Variants in SYNJ2 observed in about 807,000 individuals in gnomAD.
SYNJ2 encodes synaptojanin 2, also known as polyphosphatidylinositol phosphatase SYNJ2.
In SYNJ2, 116 loss-of-function variants were observed where a neutral mutation model predicts 141.3. The ratio of observed to expected loss-of-function variants is 0.82; its 90% CI spans 0.71 to 0.96. The LOEUF (loss-of-function observed/expected upper bound fraction) is 0.96, where lower values mean the gene tolerates loss of function less well. Among genes scored for constraint, SYNJ2 ranks in the 40% least tolerant of loss-of-function variants. SYNJ2 has a pLI of 0.00. For missense variants in SYNJ2, 1,873 were observed against 1,934.8 expected (o/e 0.97, Z 0.60); for synonymous variants, 745 against 777.7 (o/e 0.96, Z 0.70).
chr6:158,086,977 C>A lies in SYNJ2; in HGVS notation c.3331C>A (p.Pro1111Thr), dbSNP rs1249728086. The change falls in exon 23 of 27, where the codon CCC becomes ACC. Residue 1111 changes from proline to threonine, a missense_variant. Physicochemically the swap from Pro to Thr is conservative, Grantham distance 38. Transcript: ENST00000355585. Reference protein sequence around the residue: ...RPRPPQPPQRPPPPTGLMVKK... With the variant: ...RPRPPQPPQRTPPPTGLMVKK... ...TCGGCCACCTCAACCCCCGCAGAGA[C>A]CCCCCCCTCCAAGTAAGACTCTGCT... The A allele has an allele frequency of 8.9e-6, 8 of 903,230 alleles. No individual in the cohort carries two copies. The African/African-American group carries it at 1.0e-4, about 12-fold the overall frequency. The allele number at this position is 903,230 out of a possible 1,614,324, so 56.0% of individuals were successfully genotyped here.
chr6:158,052,181 A>G (rs1157824046), intron 5 of SYNJ2, among the ~76,000 whole-genome samples: 1 of 152,224 alleles, frequency 6.6e-6, no homozygotes, highest in African/African-American at 2.4e-5. Context: ...CTACTTTTAC[A>G]ACACTCAAAC....
Position 158,071,665 on chromosome 6 carries a change from C to T in SYNJ2, c.2004C>T (p.Val668=), listed in dbSNP as rs202099243. Residue 668 remains valine (V), a synonymous_variant, in exon 15 of 27, where the codon GTC becomes GTT. Transcript: ENST00000355585. This position sits in a 1 kb window ranked among gnomAD's most constrained non-coding sequence, Gnocchi z 4.3. ...GCAAGGCGGGGAACAAGGGCGCCGTCGGCATCCGCTTCCAGTTCCACAGCA... is the reference window on the plus strand; with the variant it reads ...GCAAGGCGGGGAACAAGGGCGCCGTTGGCATCCGCTTCCAGTTCCACAGCA... The part of the protein sequence containing the change: ...MGGKAGNKGA[V]GIRFQFHSTS... 7.7e-5 allele frequency: 124 copies of T among 1,614,140 alleles called. 1 individual carries two copies. The East Asian group carries it at 1.4e-3, about 18-fold the overall frequency.
intron 1 of SYNJ2, among the ~76,000 whole-genome samples, chr6:157,995,503 G>A (rs541611563): frequency 7.4e-4 from 113 of 152,324 alleles, no homozygotes; most frequent in South Asian, 4.3e-3. Context: ...TTTTGAGTGC[G>A]GAGGATAGGA....
intron 4 of SYNJ2, among the ~76,000 whole-genome samples, chr6:158,039,355 G>T (rs1779813312): frequency 1.3e-5 from 2 of 152,266 alleles, no homozygotes; most frequent in African/African-American, 4.8e-5. Context: ...AGTCAGGAGA[G>T]TGGAGCAAGG....
intron 6 of SYNJ2, among the ~76,000 whole-genome samples, chr6:158,057,215 C>T (rs1049130811): frequency 2.6e-5 from 4 of 152,082 alleles, no homozygotes; most frequent in African/African-American, 9.7e-5. Context: ...TGACAGTAAC[C>T]CGTAGGCAGG....
At position 158,086,841 on chromosome 6, in the gene SYNJ2, G is replaced by A. The variant is rs762787660; in HGVS notation, c.3209-14G>A. On this transcript the variant is annotated splice_polypyrimidine_tract_variant and intron_variant, in intron 22 of 26. Coordinates refer to ENST00000355585, the MANE Select transcript of SYNJ2 (RefSeq NM_003898.4). Reference sequence around the variant, plus strand: ...GAACAGACCATTGTACTCATGCCCCGCCATGTCCTCCAGATGACGCGGACC... The same window carrying A: ...GAACAGACCATTGTACTCATGCCCCACCATGTCCTCCAGATGACGCGGACC... 3.7e-6 allele frequency: 6 copies of A among 1,610,964 alleles called. No homozygotes were observed. Among genetic ancestry groups the A allele is most frequent in the South Asian group, 3.3e-5 (3 of 91,048 alleles).
intron 25 of SYNJ2, among the ~76,000 whole-genome samples, 164 bp downstream of exon 25, chr6:158,090,111 G>A (rs1190982867): frequency 1.3e-5 from 2 of 152,134 alleles, no homozygotes; most frequent in African/African-American, 4.8e-5. Flanking sequence ...TACTAAGATT[G>A]ATTGTCCATT....
chr6:158,016,551 C>A (rs991796048), intron 1 of SYNJ2, among the ~76,000 whole-genome samples: 11 of 152,156 alleles, frequency 7.2e-5, no homozygotes, highest in Non-Finnish European at 1.5e-5. Context: ...TAAAGGCCTG[C>A]CCCGTCGTCA....
At chr6:157,985,986 A>T (rs1459639049) in intron 1 of SYNJ2, among the ~76,000 whole-genome samples, 3 of 152,188 alleles carry the variant, frequency 2.0e-5, no homozygotes, top group Non-Finnish European at 4.4e-5. Flanking sequence ...CTTTGTTTGA[A>T]TTGGTGAGAT....
Position 158,028,761 on chromosome 6 carries a change from ACG to A in SYNJ2, c.221_222del (p.Thr74IlefsTer21), listed in dbSNP as rs760518753. ...LGELRLKSGG[T>X]SLSFLVLVTG... is the part of the protein sequence containing the mutation. ...CTGTCTGATTTCCTTTCCAGGTGGC[ACG>A]TCTCTGAGCTTCCTGGTGTTGGTGA... is the stretch of plus-strand genomic sequence containing the variant. On this transcript the variant is annotated frameshift_variant, in exon 3 of 27. Coordinates refer to ENST00000355585, the MANE Select transcript of SYNJ2 (RefSeq NM_003898.4). LOFTEE classifies it high-confidence loss of function. The A allele has an allele frequency of 1.2e-5, 20 of 1,613,594 alleles. No individual in the cohort carries two copies. Among genetic ancestry groups the A allele is most frequent in the Admixed American group, 8.3e-5 (5 of 60,000 alleles).
intron 1 of SYNJ2, among the ~76,000 whole-genome samples, chr6:158,005,179 G>A (rs933575681): frequency 4.6e-5 from 7 of 150,674 alleles, no homozygotes; most frequent in Admixed American, 1.3e-4. Flanking sequence ...CCAGGTTCAC[G>A]CCATTCTCCT....
intron 15 of SYNJ2, among the ~76,000 whole-genome samples, chr6:158,072,927 G>A (rs1489135856): frequency 6.6e-6 from 1 of 151,790 alleles, no homozygotes; most frequent in African/African-American, 2.4e-5. Flanking sequence ...AAAAAAATTA[G>A]CCAGGCGTGG....
rs142953939 is a variant in SYNJ2 at position 158,088,902 on chromosome 6, C to G, written c.3456+130C>G. The G allele has an allele frequency of 1.3e-3, 847 of 649,878 alleles. 6 individuals carry two copies. The African/African-American group carries it at 0.014, about 11-fold the overall frequency. The allele number at this position is 649,878 out of a possible 1,614,324, so 40.3% of individuals were successfully genotyped here. A position where few individuals can be genotyped will look rare whatever the true frequency, so the allele number is the denominator to read the frequency against. On this transcript the variant is annotated intron_variant, in intron 24 of 26. Coordinates refer to ENST00000355585, the MANE Select transcript of SYNJ2 (RefSeq NM_003898.4). ...ACCTGCTCACCATCTCATCTCCAAA[C>G]CCCATAACCCTTCCTCGCAGGTTCT...
At chr6:158,092,245 A>G (rs551624580) in intron 25 of SYNJ2, among the ~76,000 whole-genome samples, 2 of 152,282 alleles carry the variant, frequency 1.3e-5, no homozygotes, top group African/African-American at 4.8e-5. Flanking sequence ...TGAGAAATGT[A>G]AGTACACATG....
chr6:157,992,558 C>A (rs1304196548), intron 1 of SYNJ2, among the ~76,000 whole-genome samples: 7 of 151,266 alleles, frequency 4.6e-5, no homozygotes, highest in African/African-American at 1.7e-4. Flanking sequence ...CCACCACACC[C>A]AGCTAATTTT....
intron 2 of SYNJ2, among the ~76,000 whole-genome samples, chr6:158,021,601 G>A (rs1312928415): frequency 1.3e-5 from 2 of 152,174 alleles, no homozygotes; most frequent in Non-Finnish European, 2.9e-5. Flanking sequence ...GGCTGAGGAC[G>A]AGGTGTGAGC....
At chr6:158,083,036 G>A (rs1485725349) in intron 20 of SYNJ2, among the ~76,000 whole-genome samples, 2 of 151,948 alleles carry the variant, frequency 1.3e-5, no homozygotes, top group Non-Finnish European at 2.9e-5. Flanking sequence ...GGGTTCAAGC[G>A]ATTCTCCTGC....
Position 158,070,503 on chromosome 6 carries a change from G to A in SYNJ2, c.1940+830G>A. 1.0e-6 allele frequency: 1 copy of A among 985,538 alleles called. No individual in the cohort carries two copies. The highest frequency in any genetic ancestry group is 4.7e-5 in the South Asian group (1 of 21,290). 61.0% of individuals were successfully genotyped at this position (985,538 alleles called of 1,614,324 possible). A position where few individuals can be genotyped will look rare whatever the true frequency, so the allele number is the denominator to read the frequency against. ...TTGGCAGTGTCCTAGGTTAGCAGGT[G>A]AAGGTTAGTAAAGGTTAAAGGCAAG... On this transcript the variant is annotated intron_variant, in intron 14 of 26. Transcript: ENST00000355585. The surrounding 1 kb of genome is among the most constrained non-coding windows in gnomAD (Gnocchi z 4.0).
intron 1 of SYNJ2, among the ~76,000 whole-genome samples, chr6:157,989,919 A>C (rs758127352): frequency 1.3e-5 from 2 of 150,862 alleles, no homozygotes; most frequent in Non-Finnish European, 2.9e-5. Context: ...GGGGGGGGCT[A>C]GGAGGCTCTG....
Sources: allele counts gnomAD v4.1 joint callset (sites outside exome capture counted in the v4.1 genomes callset), GRCh38; gene constraint gnomAD v4.1.1; non-coding constraint Gnocchi (gnomAD v3.1); transcripts MANE v1.5; gene names NCBI Gene and HGNC (gene_info 2026-07-23, HGNC 2026-07-21).